Variants in KSR2 observed in about 807,000 individuals in gnomAD.
KSR2 encodes kinase suppressor of ras 2.
In KSR2, 25 loss-of-function variants were observed where a neutral mutation model predicts 107.8. The observed-to-expected ratio is 0.23, with a 90% CI of 0.17 to 0.32. KSR2 has a LOEUF of 0.32. Ranked by LOEUF, KSR2 falls within the 10% of genes least tolerant of loss-of-function variation. The pLI is 1.00. For synonymous variants in KSR2, 480 were observed against 507.0 expected (o/e 0.95, Z 0.71); for missense variants, 887 against 1,268.9 (o/e 0.70, Z 4.57).
At chr12:117,940,107 C>T (rs561920190) in intron 1 of KSR2, among the ~76,000 whole-genome samples, 23 of 152,204 alleles carry the variant, frequency 1.5e-4, no homozygotes, top group Non-Finnish European at 2.9e-4. Flanking sequence ...AACAAAGGCT[C>T]GGTCATATTC....
At chr12:117,660,568 T>C (rs371858296) in intron 5 of KSR2, among the ~76,000 whole-genome samples, 3 of 152,230 alleles carry the variant, frequency 2.0e-5, no homozygotes, top group East Asian at 3.9e-4. Flanking sequence ...CATTTTAACT[T>C]GATCACACCT....
At chr12:117,819,149 TG>T (rs2137073240) in intron 3 of KSR2, among the ~76,000 whole-genome samples, 1 of 152,062 alleles carries the variant, frequency 6.6e-6, no homozygotes, top group Admixed American at 6.5e-5. Flanking sequence ...GGCCAAAATA[TG>T]TAGCATCAGG....
intron 5 of KSR2, among the ~76,000 whole-genome samples, chr12:117,642,738 GGAATTA>G (rs905679026): frequency 2.0e-5 from 3 of 152,164 alleles, no homozygotes; most frequent in Non-Finnish European, 2.9e-5. Context: ...AACTCAAATA[GGAATTA>G]GAAGTTTGGG....
At chr12:117,830,461 C>T (rs913930105) in intron 3 of KSR2, among the ~76,000 whole-genome samples, 3 of 151,816 alleles carry the variant, frequency 2.0e-5, no homozygotes, top group Non-Finnish European at 2.9e-5. Context: ...ATACAATATA[C>T]CAATGTAACA....
intron 16 of KSR2, among the ~76,000 whole-genome samples, chr12:117,477,521 TA>T (rs1468375716): frequency 1.3e-5 from 2 of 152,112 alleles, no homozygotes; most frequent in African/African-American, 4.8e-5. Context: ...CAGGAAAAGC[TA>T]AAGATTGTGA....
chr12:117,639,658 A>ATTATTATTATTATTAT lies in KSR2; in HGVS notation c.1171+27815_1171+27816insATAATAATAATAATAA, dbSNP rs139711049. Among the ~76,000 whole-genome samples, 28 of 102,858 alleles carry ATTATTATTATTATTAT rather than the reference A, an allele frequency of 2.7e-4. 1 individual carries two copies. The highest frequency in any genetic ancestry group is 4.9e-4 in the Non-Finnish European group (22 of 44,976). The allele number at this position is 102,858 out of a possible 152,430, so 67.5% of individuals were successfully genotyped here. A position where few individuals can be genotyped will look rare whatever the true frequency, so the allele number is the denominator to read the frequency against. The stretch of plus-strand genomic sequence containing the variant: ...TATTATTATTATTATTATTATTATT[A>ATTATTATTATTATTAT]TATTATTTTAATATTTTACTGAAAG... On this transcript the variant is annotated intron_variant, in intron 5 of 19. Transcript: ENST00000339824.
At chr12:117,554,550 A>G (rs1012568423) in intron 9 of KSR2, among the ~76,000 whole-genome samples, 1 of 152,044 alleles carries the variant, frequency 6.6e-6, no homozygotes, top group Non-Finnish European at 1.5e-5. Context: ...ATGTCATGGG[A>G]GGGGCCCAGT....
chr12:117,779,387 T>C (rs1889801370), intron 3 of KSR2, among the ~76,000 whole-genome samples: 2 of 152,338 alleles, frequency 1.3e-5, no homozygotes, highest in South Asian at 4.1e-4. Flanking sequence ...CTGTGTGACT[T>C]GGGGTAAATT....
intron 3 of KSR2, among the ~76,000 whole-genome samples, chr12:117,845,365 G>C (rs2137180601): frequency 6.6e-6 from 1 of 152,242 alleles, no homozygotes; most frequent in Non-Finnish European, 1.5e-5. Flanking sequence ...ACATGCATTT[G>C]AGACCTGTTT....
chr12:117,732,426 C>A (rs1357319222), intron 4 of KSR2, among the ~76,000 whole-genome samples: 1 of 151,980 alleles, frequency 6.6e-6, no homozygotes, highest in African/African-American at 2.4e-5. Flanking sequence ...GTAGCTGGGA[C>A]TACAGGCACC....
chr12:117,730,284 A>G (rs1427403550), intron 4 of KSR2, among the ~76,000 whole-genome samples: 1 of 152,192 alleles, frequency 6.6e-6, no homozygotes, highest in Non-Finnish European at 1.5e-5. Flanking sequence ...TTCATTCACT[A>G]CAACGGATGA....
intron 7 of KSR2, among the ~76,000 whole-genome samples, chr12:117,561,980 TG>T (rs1878155707): frequency 1.3e-5 from 2 of 152,246 alleles, no homozygotes; most frequent in African/African-American, 4.8e-5. Context: ...TCTCTGTTTA[TG>T]GGGAGGGATG....
intron 14 of KSR2, among the ~76,000 whole-genome samples, chr12:117,509,850 T>G (rs1873920574): frequency 6.6e-6 from 1 of 152,224 alleles, no homozygotes; most frequent in Admixed American, 6.5e-5. Flanking sequence ...GAAACAATCT[T>G]CTTTTGAAGA....
intron 4 of KSR2, among the ~76,000 whole-genome samples, chr12:117,750,406 CA>C (rs1302878932): frequency 4.0e-5 from 6 of 151,812 alleles, no homozygotes; most frequent in Non-Finnish European, 8.8e-5. Flanking sequence ...AAATACCTTG[CA>C]AAAGATCTCA....
At chr12:117,502,900 C>T (rs1420964171) in intron 14 of KSR2, among the ~76,000 whole-genome samples, 4 of 152,180 alleles carry the variant, frequency 2.6e-5, no homozygotes, top group South Asian at 2.1e-4. Flanking sequence ...TCTTTGCTCT[C>T]GAAGCTTTGT....
rs115871874 is a variant in KSR2, at chr12:117,934,198, T to A, written c.180+33878A>T. The stretch of plus-strand genomic sequence containing the variant: ...AGCTCATTATCTTTGAGTAACAGCA[T>A]CCCAGCTTTTGTTTGGAGAACATCC... On this transcript the variant is annotated intron_variant, in intron 1 of 19. Coordinates refer to ENST00000339824, the MANE Select transcript of KSR2 (RefSeq NM_173598.6). Among the ~76,000 whole-genome samples, 760 of 152,268 alleles carry A rather than the reference T, an allele frequency of 5.0e-3. 6 individuals are homozygous for A. Among genetic ancestry groups the A allele is most frequent in the African/African-American group, 0.017 (701 of 41,566 alleles).
intron 14 of KSR2, among the ~76,000 whole-genome samples, chr12:117,516,455 G>C (rs1015044238): frequency 1.3e-5 from 2 of 152,142 alleles, no homozygotes; most frequent in Non-Finnish European, 2.9e-5. Flanking sequence ...TGTTTGTAGT[G>C]TCAAAGATGT....
At chr12:117,657,348 G>T (rs1884229486) in intron 5 of KSR2, among the ~76,000 whole-genome samples, 1 of 152,082 alleles carries the variant, frequency 6.6e-6, no homozygotes, top group African/African-American at 2.4e-5. Flanking sequence ...AGAGCCCTTA[G>T]ATCCAGCCAT....
intron 3 of KSR2, among the ~76,000 whole-genome samples, chr12:117,841,853 G>A (rs11615512): frequency 0.019 from 2,925 of 152,314 alleles, 36 homozygotes; most frequent in Non-Finnish European, 0.032. Context: ...ATAATCCTAC[G>A]GACCTCATGA....
Sources: gnomAD v4.1 joint callset for allele counts (sites outside exome capture counted in the v4.1 genomes callset) on GRCh38, gnomAD v4.1.1 for gene constraint, MANE v1.5 for transcripts, NCBI Gene and HGNC (gene_info 2026-07-23, HGNC 2026-07-21) for gene names.